Variants in SSPN observed in about 807,000 individuals in gnomAD.
SSPN encodes sarcospan.
SSPN carries 15 observed loss-of-function variants against 19.1 expected under a neutral mutation model. The ratio of observed to expected loss-of-function variants is 0.78; its 90% CI spans 0.52 to 1.21. The LOEUF (loss-of-function observed/expected upper bound fraction) is 1.21. SSPN is among the 50% of genes most tolerant of loss of function. The pLI is 0.00. For synonymous variants in SSPN, 147 were observed against 140.3 expected, an observed-to-expected ratio of 1.05 and a Z score of -0.34; for missense variants, 291 against 314.0, an observed-to-expected ratio of 0.93 and a Z score of 0.55.
chr12:26,182,104 A>T (rs1473431), intron 1 of SSPN, among the ~76,000 whole-genome samples: 103,552 of 152,058 alleles, frequency 0.68, 36,643 homozygotes, highest in East Asian at 0.78. Context: ...AAGAGTTTAG[A>T]ACTGGGAATG....
At chr12:26,199,739 A>C (rs1944861438) in intron 1 of SSPN, among the ~76,000 whole-genome samples, 1 of 152,212 alleles carries the variant, frequency 6.6e-6, no homozygotes, top group Non-Finnish European at 1.5e-5. Flanking sequence ...AGTTTAGGTA[A>C]AGCATTGCAT....
rs189345425 is a variant in SSPN, at chr12:26,198,451, G to A, written c.279+2500G>A. On this transcript the variant is annotated intron_variant, in intron 1 of 2. Coordinates refer to ENST00000242729, the MANE Select transcript of SSPN (RefSeq NM_005086.5). ...GAATGATAATAATTCCTACCTTTTC[G>A]GGTTGCCCTGAGGATGAAATAAATT... is the stretch of plus-strand genomic sequence containing the variant. Among the ~76,000 whole-genome samples, 536 of 152,174 alleles carry A rather than the reference G, an allele frequency of 3.5e-3. 3 individuals are homozygous for A. The highest frequency in any genetic ancestry group is 0.012 in the African/African-American group (512 of 41,504).
Position 26,195,641 on chromosome 12 carries a change from G to C in SSPN, c.-32G>C. On this transcript the variant is annotated 5_prime_UTR_variant, in exon 1 of 3. Transcript: ENST00000242729. ...CTCCAGGGCCCAGGGCGCCGCACAC[G>C]CACCCACCCACCCACCCAGCCTCGC... The C allele has an allele frequency of 9.0e-7, 1 of 1,105,400 alleles. No homozygotes were observed. The highest frequency in any genetic ancestry group is 1.1e-6 in the Non-Finnish European group (1 of 878,118). The allele number at this position is 1,105,400 out of a possible 1,614,324, so 68.5% of individuals were successfully genotyped here.
intron 1 of SSPN, among the ~76,000 whole-genome samples, chr12:26,201,803 C>T (rs1220320273): frequency 1.3e-5 from 2 of 152,096 alleles, no homozygotes; most frequent in African/African-American, 4.8e-5. Context: ...TATTCTCTTA[C>T]TTTAAGTAAT....
At chr12:26,124,750 C>G (rs1434744608) in intron 1 of SSPN, 5 of 1,614,244 alleles carry the variant, frequency 3.1e-6, no homozygotes, top group Middle Eastern at 1.6e-4. Context: ...GTAACTGTCT[C>G]TCTTGCAAAT....
intron 1 of SSPN, among the ~76,000 whole-genome samples, chr12:26,148,837 C>T (rs1054352465): frequency 2.6e-5 from 4 of 152,174 alleles, no homozygotes; most frequent in African/African-American, 9.7e-5. Context: ...TCTGACCCAT[C>T]CTGACTGGCT....
chr12:26,162,053 T>C (rs981408903), intron 1 of SSPN, among the ~76,000 whole-genome samples: 1 of 152,176 alleles, frequency 6.6e-6, no homozygotes, highest in Non-Finnish European at 1.5e-5. Flanking sequence ...TATTATTGAA[T>C]GAGGAAGTGA....
intron 1 of SSPN, among the ~76,000 whole-genome samples, chr12:26,199,393 C>A (rs114976366): frequency 0.014 from 2,145 of 152,224 alleles, 50 homozygotes; most frequent in African/African-American, 0.049. Context: ...GGGAAAAAAA[C>A]CCAGAATGGA....
chr12:26,194,386 T>A (rs994220177), upstream of SSPN, among the ~76,000 whole-genome samples: 1 of 152,236 alleles, frequency 6.6e-6, no homozygotes, highest in Non-Finnish European at 1.5e-5. Context: ...AGCACTGTTG[T>A]GGAGATGAGT....
At chr12:26,130,197 T>A (rs1470955949) in intron 1 of SSPN, among the ~76,000 whole-genome samples, 3 of 152,206 alleles carry the variant, frequency 2.0e-5, no homozygotes, top group Non-Finnish European at 4.4e-5. Flanking sequence ...GAGGGGCCTT[T>A]TAATGTCTGT....
intron 1 of SSPN, among the ~76,000 whole-genome samples, chr12:26,162,844 C>T (rs143635642): frequency 1.4e-4 from 21 of 152,146 alleles, no homozygotes; most frequent in South Asian, 1.0e-3. Context: ...GATACAACTT[C>T]GAAACAATCT....
chr12:26,202,064 TC>T (rs755128359), intron 1 of SSPN, among the ~76,000 whole-genome samples: 1 of 152,180 alleles, frequency 6.6e-6, no homozygotes, highest in Non-Finnish European at 1.5e-5. Context: ...TTTATGCACA[TC>T]CTACATATGC....
At chr12:26,201,029 A>ATATAT (rs1555179554) in intron 1 of SSPN, among the ~76,000 whole-genome samples, 12 of 38,628 alleles carry the variant, frequency 3.1e-4, no homozygotes, top group Middle Eastern at 0.018. Context: ...ATATATATAT[A>ATATAT]TATATATATA....
At chr12:26,171,684 A>G (rs1365991720) in intron 1 of SSPN, among the ~76,000 whole-genome samples, 2 of 152,072 alleles carry the variant, frequency 1.3e-5, no homozygotes, top group Admixed American at 6.5e-5. Flanking sequence ...GTGGGTTTAT[A>G]ATTTTGTTTT....
chr12:26,229,333 C>G (rs1945207457), intron 2 of SSPN, among the ~76,000 whole-genome samples: 1 of 152,108 alleles, frequency 6.6e-6, no homozygotes, highest in Admixed American at 6.5e-5. Flanking sequence ...ACAGGCAAAC[C>G]AGAGATAAGC....
At chr12:26,122,307 G>A in intron 1 of SSPN, 1 of 1,182,368 alleles carries the variant, frequency 8.5e-7, no homozygotes, top group Non-Finnish European at 1.0e-6. Flanking sequence ...GGCAGCGGCG[G>A]CGGCGGCTGC....
At chr12:26,196,312 C>A (rs1944829896) in intron 1 of SSPN, among the ~76,000 whole-genome samples, 1 of 152,254 alleles carries the variant, frequency 6.6e-6, no homozygotes, top group African/African-American at 2.4e-5. Flanking sequence ...CCAGACCCCA[C>A]CCCTGTCCTT....
chr12:26,179,402 A>T (rs1565679543), intron 1 of SSPN, among the ~76,000 whole-genome samples: 1 of 152,154 alleles, frequency 6.6e-6, no homozygotes, highest in African/African-American at 2.4e-5. Flanking sequence ...AAACTGATGG[A>T]TTTGACCTCT....
upstream of SSPN, among the ~76,000 whole-genome samples, chr12:26,191,271 A>G (rs1001584670): frequency 2.6e-5 from 4 of 152,250 alleles, no homozygotes; most frequent in Admixed American, 1.3e-4. Flanking sequence ...CCTTAAAAAT[A>G]GGTGAAATGC....
Sources: allele counts gnomAD v4.1 joint callset (sites outside exome capture counted in the v4.1 genomes callset), GRCh38; gene constraint gnomAD v4.1.1; transcripts MANE v1.5; gene names NCBI Gene and HGNC (gene_info 2026-07-23, HGNC 2026-07-21).